ZSCAN25: variants seen among roughly 807,000 people sequenced by gnomAD.
ZSCAN25 encodes the protein zinc finger and SCAN domain-containing protein 25.
A neutral mutation model predicts 38.7 loss-of-function variants in ZSCAN25; 27 were observed. The observed-to-expected ratio is 0.70, with a 90% CI of 0.51 to 0.96. ZSCAN25 has a LOEUF of 0.96. ZSCAN25 is among the 40% of genes least tolerant of loss of function. The probability of loss-of-function intolerance (pLI) is 0.00; values close to 1 mark genes in which losing one functional copy is unlikely to be tolerated. For missense variants in ZSCAN25, 637 were observed against 705.9 expected, an observed-to-expected ratio of 0.90 and a Z score of 1.11; for synonymous variants, 273 against 277.7, an observed-to-expected ratio of 0.98 and a Z score of 0.17.
At chr7:99,674,190 C>T in the ZSCAN25 span, 1 of 196,026 alleles carries the variant, frequency 5.1e-6, no homozygotes, top group Non-Finnish European at 1.0e-5. Context: ...ACCTGTCCAG[C>T]AACTGCCTGT....
In ZSCAN25 at chr7:99,619,862, G is replaced by C; in HGVS notation, c.256G>C (p.Val86Leu). 1 of 1,614,230 alleles carries C rather than the reference G, an allele frequency of 6.2e-7. No homozygotes were observed. Among genetic ancestry groups the C allele is most frequent in the Non-Finnish European group, 8.5e-7 (1 of 1,180,038 alleles). ...HTKEQILELL[V>L]LEQFLTILPR... ...CAAGGAGCAGATCCTGGAGCTGCTG[G>C]TGCTGGAGCAGTTCCTCACTATCCT... Residue 86 changes from valine to leucine, a missense_variant, in exon 4 of 8, where the codon GTG becomes CTG. Coordinates refer to ENST00000394152, the MANE Select transcript of ZSCAN25 (RefSeq NM_145115.3).
At chr7:99,623,110 A>G (rs987801177) in intron 6 of ZSCAN25, among the ~76,000 whole-genome samples, 2 of 152,126 alleles carry the variant, frequency 1.3e-5, no homozygotes, top group South Asian at 2.1e-4. Context: ...CCAGCCACAG[A>G]TGGACTCTTA....
At chr7:99,736,765 C>T in the ZSCAN25 span, among the ~76,000 whole-genome samples, 1 of 152,192 alleles carries the variant, frequency 6.6e-6, no homozygotes, top group Admixed American at 6.5e-5. Flanking sequence ...CCCTAAGCCT[C>T]CAGGGCTGCT....
chr7:99,680,221 C>T, the ZSCAN25 span, among the ~76,000 whole-genome samples: 96 of 152,232 alleles, frequency 6.3e-4, 1 homozygote, highest in Non-Finnish European at 1.1e-3. Context: ...TATTAACCCT[C>T]CTCTCACCTG....
the ZSCAN25 span, among the ~76,000 whole-genome samples, chr7:99,704,735 A>G: frequency 1.4e-4 from 22 of 152,110 alleles, no homozygotes; most frequent in Non-Finnish European, 2.9e-4. Flanking sequence ...AGGCCCAGGC[A>G]GGTGGATCAT....
chr7:99,719,543 A>G, the ZSCAN25 span, among the ~76,000 whole-genome samples: 1 of 152,242 alleles, frequency 6.6e-6, no homozygotes, highest in Admixed American at 6.5e-5. Flanking sequence ...TTGGCAATAT[A>G]GGAAGGAGGG....
chr7:99,619,784 C>A lies in ZSCAN25; in HGVS notation c.178C>A (p.Leu60Ile). ...YQEAAGPQEA[L>I]RELQELCRRW... ...GGAGGCAGCTGGACCCCAGGAAGCT[C>A]TTAGGGAGCTCCAGGAGCTCTGTCG... Residue 60 changes from leucine to isoleucine, a missense_variant, in exon 4 of 8, where the codon CTT becomes ATT. Coordinates refer to ENST00000394152, the MANE Select transcript of ZSCAN25 (RefSeq NM_145115.3). 1.2e-6 allele frequency: 2 copies of A among 1,614,252 alleles called. No homozygotes were observed. Among genetic ancestry groups the A allele is most frequent in the Non-Finnish European group, 1.7e-6 (2 of 1,180,042 alleles).
At chr7:99,635,275 A>G (rs1012552868), downstream of ZSCAN25, among the ~76,000 whole-genome samples, 9 of 152,184 alleles carry the variant, frequency 5.9e-5, no homozygotes, top group Admixed American at 4.6e-4. Context: ...ATCATAGTCT[A>G]CAGACTCATT....
chr7:99,664,953 G>A, the ZSCAN25 span, among the ~76,000 whole-genome samples: 1 of 152,140 alleles, frequency 6.6e-6, no homozygotes, highest in African/African-American at 2.4e-5. Context: ...AGGGCAGTGG[G>A]GTTTGTGGTG....
At chr7:99,662,408 A>G in the ZSCAN25 span, among the ~76,000 whole-genome samples, 8 of 152,230 alleles carry the variant, frequency 5.3e-5, no homozygotes, top group African/African-American at 1.9e-4. This position sits in a 1 kb window ranked among gnomAD's most constrained non-coding sequence, Gnocchi z 4.3. Flanking sequence ...GCAGTAGATT[A>G]ACCTTGCGAA....
At chr7:99,653,576 TAA>T in the ZSCAN25 span, among the ~76,000 whole-genome samples, 1 of 152,210 alleles carries the variant, frequency 6.6e-6, no homozygotes, top group East Asian at 1.9e-4. This position sits in a 1 kb window ranked among gnomAD's most constrained non-coding sequence, Gnocchi z 4.2. Flanking sequence ...GAGTTCTAGT[TAA>T]AGTTATGAAG....
the ZSCAN25 span, chr7:99,717,472 C>G: frequency 6.2e-7 from 1 of 1,606,584 alleles, no homozygotes; most frequent in East Asian, 2.3e-5. Context: ...TTCTACCTGT[C>G]CCCACCTGAT....
At chr7:99,636,263 T>G (rs1808280076), downstream of ZSCAN25, among the ~76,000 whole-genome samples, 1 of 152,208 alleles carries the variant, frequency 6.6e-6, no homozygotes, top group Admixed American at 6.5e-5. Context: ...ACCAGTGTTC[T>G]TAGATGTGTT....
chr7:99,631,753 G>A lies in ZSCAN25; in HGVS notation c.*1733G>A. ...CAGCATGGTGTCTAATTTTGGCTTA[G>A]CAAATGACGCTCCTTGGTCTTCCTG... On this transcript the variant is annotated 3_prime_UTR_variant, in exon 8 of 8. Transcript: ENST00000394152. 1 of 985,386 alleles carries A rather than the reference G, an allele frequency of 1.0e-6. No homozygotes were observed. Among genetic ancestry groups the A allele is most frequent in the Non-Finnish European group, 1.2e-6 (1 of 829,942 alleles). The allele number at this position is 985,386 out of a possible 1,614,324, so 61.0% of individuals were successfully genotyped here.
chr7:99,698,102 G>A, the ZSCAN25 span, among the ~76,000 whole-genome samples: 3 of 151,918 alleles, frequency 2.0e-5, no homozygotes, highest in African/African-American at 7.3e-5. Context: ...TACCACTTTT[G>A]GTTCCAATGA....
chr7:99,634,980 C>A (rs1007672060), downstream of ZSCAN25, among the ~76,000 whole-genome samples: 5 of 152,086 alleles, frequency 3.3e-5, no homozygotes, highest in Non-Finnish European at 5.9e-5. Flanking sequence ...TTTCAAGTCC[C>A]CTCCCTCTGT....
Position 99,624,050 on chromosome 7 carries a change from G to A in ZSCAN25, c.682-7G>A. On this transcript the variant is annotated splice_polypyrimidine_tract_variant and splice_region_variant and intron_variant, in intron 6 of 7. Transcript: ENST00000394152. ...TCTTTATTCATAGCAATCTCCTATT[G>A]TTGCAGGGGTTGGGGCCATTTAAAG... The A allele has an allele frequency of 6.2e-7, 1 of 1,614,162 alleles. No homozygotes were observed. Among genetic ancestry groups the A allele is most frequent in the Non-Finnish European group, 8.5e-7 (1 of 1,180,030 alleles).
chr7:99,638,553 G>T, the ZSCAN25 span: 2 of 1,533,846 alleles, frequency 1.3e-6, no homozygotes, highest in Non-Finnish European at 1.8e-6. Context: ...CCGCGAGAGC[G>T]CGGATCTTGT....
At chr7:99,634,807 C>A (rs545091047), downstream of ZSCAN25, among the ~76,000 whole-genome samples, 175 of 150,590 alleles carry the variant, frequency 1.2e-3, no homozygotes, top group Non-Finnish European at 2.0e-3. Flanking sequence ...AAAAACAAAA[C>A]AAAACAAAAT....
Sources: gnomAD v4.1 joint callset for allele counts (sites outside exome capture counted in the v4.1 genomes callset) on GRCh38, gnomAD v4.1.1 for gene constraint, Gnocchi (gnomAD v3.1) non-coding constraint, MANE v1.5 for transcripts, NCBI Gene and HGNC (gene_info 2026-07-23, HGNC 2026-07-21) for gene names.